Variants in ZFHX2 observed in about 807,000 individuals in gnomAD.
ZFHX2 encodes zinc finger homeobox 2, also known as zinc finger homeobox protein 2.
Under a neutral mutation model 164.8 loss-of-function variants are expected in ZFHX2, and 75 were observed. The observed-to-expected ratio is 0.46, with a 90% CI of 0.38 to 0.55. ZFHX2 has a LOEUF of 0.55. Ranked by LOEUF, ZFHX2 falls within the 20% of genes least tolerant of loss-of-function variation. The probability of loss-of-function intolerance (pLI) is 0.00; values close to 1 mark genes in which losing one functional copy is unlikely to be tolerated. For missense variants in ZFHX2, 2,933 were observed against 3,308.0 expected (o/e 0.89, Z 2.78); for synonymous variants, 1,217 against 1,351.4 (o/e 0.90, Z 2.18).
rs532623946 is a variant in ZFHX2, at chr14:23,522,348, C to A, written c.7333G>T (p.Val2445Leu). ...LLTGSTGISTVDVTHRYLCRQ... is the reference protein window; with the variant it reads ...LLTGSTGISTLDVTHRYLCRQ... ...CACAGGTAGCGATGGGTTACATCCA[C>A]GGTGGAGATGCCAGTGCTGCCTGTC... The change falls in exon 10 of 10, where the codon GTG becomes TTG. Residue 2445 changes from valine to leucine, a missense_variant. Physicochemically the swap from Val to Leu is conservative, Grantham distance 32. Transcript: ENST00000419474. 23 of 1,535,482 alleles carry A rather than the reference C, an allele frequency of 1.5e-5. No homozygotes were observed. The highest frequency in any genetic ancestry group is 2.0e-5 in the Non-Finnish European group (23 of 1,146,536).
chr14:23,533,497 G>C lies in ZFHX2; in HGVS notation c.1829C>G (p.Pro610Arg). 6.5e-7 allele frequency: 1 copy of C among 1,536,076 alleles called. No homozygotes were observed. ...AGGAGGGCCTGGCCCCATCAATCCAGGTGGCAGGCCCAGCGGCAGCCCCTG... is the reference window on the plus strand; with the variant it reads ...AGGAGGGCCTGGCCCCATCAATCCACGTGGCAGGCCCAGCGGCAGCCCCTG... Reference protein sequence around the residue: ...LHQGLPLGLPPGLMGPGPPPP... With the variant: ...LHQGLPLGLPRGLMGPGPPPP... Residue 610 changes from proline (P) to arginine (R), a missense_variant, in exon 2 of 10, where the codon CCT (proline) becomes CGT (arginine). Transcript: ENST00000419474. The surrounding 1 kb of genome is among the most constrained non-coding windows in gnomAD (Gnocchi z 4.8).
At chr14:23,531,917 C>T (rs1438203683) in intron 3 of ZFHX2, 196 bp from the exon 4 acceptor site, 2 of 609,936 alleles carry the variant, frequency 3.3e-6, no homozygotes, top group Non-Finnish European at 2.4e-6. Context: ...GCTGGGATTA[C>T]AGGCATGCGC....
intron 1 of ZFHX2, among the ~76,000 whole-genome samples, chr14:23,548,674 G>T (rs1002819025): frequency 6.6e-6 from 1 of 152,142 alleles, no homozygotes; most frequent in Non-Finnish European, 1.5e-5. Context: ...AAGGCCTTTC[G>T]TGGGGGTAGT....
intron 3 of ZFHX2, chr14:23,532,025 C>T (rs1199059798): frequency 4.7e-6 from 1 of 211,132 alleles, no homozygotes; most frequent in African/African-American, 2.3e-5. Flanking sequence ...ATCCTCCCGC[C>T]TCGGCCTCCC....
In ZFHX2 at chr14:23,524,938, TC is replaced by T; in HGVS notation, c.5003del (p.Gly1668GlufsTer52). ...CGTGGCAACGCCTGCAGCCGGAGGCTCCCCCAGTGCCTCCTCCGGTTGGCAT... is the reference window on the plus strand; with the variant it reads ...CGTGGCAACGCCTGCAGCCGGAGGCTCCCCAGTGCCTCCTCCGGTTGGCAT... ...GSMPTGGGTG[G>X]ASGCRRCHAT... is the part of the protein sequence containing the mutation. On this transcript the variant is annotated frameshift_variant, in exon 9 of 10. Transcript: ENST00000419474. LOFTEE classifies it high-confidence loss of function. The surrounding 1 kb of genome is among the most constrained non-coding windows in gnomAD (Gnocchi z 5.6). 2 of 1,536,048 alleles carry T rather than the reference TC, an allele frequency of 1.3e-6. No individual in the cohort carries two copies. Among genetic ancestry groups the T allele is most frequent in the Non-Finnish European group, 1.7e-6 (2 of 1,146,890 alleles).
At chr14:23,554,493 C>A (rs1329162300), upstream of ZFHX2, among the ~76,000 whole-genome samples, 1 of 151,982 alleles carries the variant, frequency 6.6e-6, no homozygotes, top group African/African-American at 2.4e-5. Flanking sequence ...CCCGCTGCCT[C>A]AACCTCCTGA....
Position 23,526,678 on chromosome 14 carries a change from T to A in ZFHX2, c.3264A>T (p.Glu1088Asp). Residue 1088 changes from glutamate to aspartate, a missense_variant and splice_region_variant, in exon 9 of 10, where the codon GAA becomes GAT. Glu to Asp is a conservative substitution (Grantham distance 45). Coordinates refer to ENST00000419474, the MANE Select transcript of ZFHX2 (RefSeq NM_033400.3). The part of the protein sequence containing the change: ...EPTPSRDQAA[E>D]GPNLTPEASP... ...TGGCTTCTGGGGTCAGGTTAGGGCC[T>A]TCTAGGGGAGAGAGAAGAAAGTACA... is the stretch of plus-strand genomic sequence containing the variant. 1 of 1,535,854 alleles carries A rather than the reference T, an allele frequency of 6.5e-7. No homozygotes were observed. Among genetic ancestry groups the A allele is most frequent in the Non-Finnish European group, 8.7e-7 (1 of 1,146,854 alleles).
intron 1 of ZFHX2, among the ~76,000 whole-genome samples, chr14:23,545,483 C>A (rs1042600875): frequency 6.6e-6 from 1 of 152,200 alleles, no homozygotes; most frequent in Non-Finnish European, 1.5e-5. Context: ...CTCCCATCTC[C>A]AAGTCATGGG....
chr14:23,549,910 A>G (rs1211206682), intron 1 of ZFHX2, among the ~76,000 whole-genome samples: 1 of 152,210 alleles, frequency 6.6e-6, no homozygotes, highest in Non-Finnish European at 1.5e-5. Context: ...AAGAAACTAG[A>G]AACTTAGGGT....
At position 23,535,381 on chromosome 14, in the gene ZFHX2, G is replaced by A; in HGVS notation, c.-49-7C>T. 7.0e-7 allele frequency: 1 copy of A among 1,432,484 alleles called. No individual in the cohort carries two copies. Among genetic ancestry groups the A allele is most frequent in the Non-Finnish European group, 9.1e-7 (1 of 1,095,994 alleles). 88.7% of individuals were successfully genotyped at this position (1,432,484 alleles called of 1,614,324 possible). ...CAGCGTGACAGCCAGTACCCTGTAG[G>A]GAGACAAGGAGAGAGCAGTGCTGTG... On this transcript the variant is annotated splice_region_variant and splice_polypyrimidine_tract_variant and intron_variant, in intron 1 of 9. Coordinates refer to ENST00000419474, the MANE Select transcript of ZFHX2 (RefSeq NM_033400.3). This position sits in a 1 kb window ranked among gnomAD's most constrained non-coding sequence, Gnocchi z 4.5.
rs905883602 is a variant in ZFHX2, at chr14:23,551,674, TCTCCTC to T, written c.-387_-382del. ...CCTGCCTCCTCCTCCTCCTCCTCCTTCTCCTCCTCGCCCTCCTCCTCCTCCTCCTCC... is the reference window on the plus strand; with the variant it reads ...CCTGCCTCCTCCTCCTCCTCCTCCTTCTCGCCCTCCTCCTCCTCCTCCTCC... On this transcript the variant is annotated 5_prime_UTR_variant, in exon 1 of 10. Transcript: ENST00000419474. This position sits in a 1 kb window ranked among gnomAD's most constrained non-coding sequence, Gnocchi z 5.3. 1.3e-5 allele frequency: 2 copies of T among 151,636 alleles called. No individual in the cohort carries two copies. The highest frequency in any genetic ancestry group is 2.9e-5 in the Non-Finnish European group (2 of 68,756). 9.4% of individuals were successfully genotyped at this position (151,636 alleles called of 1,614,324 possible). A position where few individuals can be genotyped will look rare whatever the true frequency, so the allele number is the denominator to read the frequency against.
rs879315318 is a variant in ZFHX2, at chr14:23,542,745, C to CT, written c.-49-7372dup. 6.9e-3 allele frequency among the ~76,000 whole-genome samples: 1,008 copies of CT among 145,784 alleles called. 8 individuals carry two copies. Among genetic ancestry groups the CT allele is most frequent in the Non-Finnish European group, 9.4e-3 (618 of 65,768 alleles). The stretch of plus-strand genomic sequence containing the variant: ...TCCCAGAACTTGGTAGGAAAACATT[C>CT]TTTTTTTTTTTTGGAGATGGTGTCT... On this transcript the variant is annotated intron_variant, in intron 1 of 9. Transcript: ENST00000419474.
chr14:23,527,324 A>G (rs1459267860), intron 7 of ZFHX2, among the ~76,000 whole-genome samples: 1 of 152,216 alleles, frequency 6.6e-6, no homozygotes, highest in Non-Finnish European at 1.5e-5. Flanking sequence ...AGACAAGCTC[A>G]GTTCTGAGTC....
rs767148216 is a variant in ZFHX2, at chr14:23,522,883, T to C, written c.6798A>G (p.Thr2266=). The part of the protein sequence containing the change: ...GLATSVLPTT[T]VVQTAGPGRP... ...GGCCTGGGCCAGCAGTCTGGACCAC[T>C]GTGGTGGTAGGCAGGACCGAAGTGG... Residue 2266 remains threonine (T), a synonymous_variant, in exon 10 of 10, where the codon ACA becomes ACG. Transcript: ENST00000419474. 3.2e-5 allele frequency: 48 copies of C among 1,498,604 alleles called. No homozygotes were observed. The South Asian group carries it at 3.3e-4, about 10-fold the overall frequency. The allele number at this position is 1,498,604 out of a possible 1,614,324, so 92.8% of individuals were successfully genotyped here. A position where few individuals can be genotyped will look rare whatever the true frequency, so the allele number is the denominator to read the frequency against.
At chr14:23,538,908 A>G (rs1325653451) in intron 1 of ZFHX2, among the ~76,000 whole-genome samples, 1 of 152,142 alleles carries the variant, frequency 6.6e-6, no homozygotes, top group African/African-American at 2.4e-5. Context: ...AGACGGCAGA[A>G]AGAGTCAATA....
intron 1 of ZFHX2, chr14:23,543,116 T>C (rs903223271): frequency 6.6e-6 from 1 of 152,238 alleles, no homozygotes; most frequent in African/African-American, 2.4e-5. Flanking sequence ...TGCATTTAAA[T>C]AGTATTACAA....
chr14:23,552,859 C>G (rs1595204715), upstream of ZFHX2, among the ~76,000 whole-genome samples: 2 of 152,290 alleles, frequency 1.3e-5, no homozygotes, highest in East Asian at 3.9e-4. Context: ...GCCTCAGCCT[C>G]CCAAAGTCCT....
rs1484662238 is a variant in ZFHX2 at position 23,550,153 on chromosome 14, G to A, written c.-50+1190C>T. ...AGACCAGAAGGTGAGGTTCTGATGAGGGAGACAGGCACATGGCAAAGGGGA... is the reference window on the plus strand; with the variant it reads ...AGACCAGAAGGTGAGGTTCTGATGAAGGAGACAGGCACATGGCAAAGGGGA... On this transcript the variant is annotated intron_variant, in intron 1 of 9. Coordinates refer to ENST00000419474, the MANE Select transcript of ZFHX2 (RefSeq NM_033400.3). Among the ~76,000 whole-genome samples, 2 of 152,222 alleles carry A rather than the reference G, an allele frequency of 1.3e-5. 1 individual carries two copies.
chr14:23,527,901 CTTTTTTT>C (rs745574496), intron 6 of ZFHX2, 97 bp from the exon 7 acceptor site: 122 of 448,910 alleles, frequency 2.7e-4, no homozygotes, highest in Admixed American at 5.6e-4. Context: ...GCCCCCACTC[CTTTTTTT>C]TTTTTTTTTT....
Sources: allele counts gnomAD v4.1 joint callset (sites outside exome capture counted in the v4.1 genomes callset), GRCh38; gene constraint gnomAD v4.1.1; non-coding constraint Gnocchi (gnomAD v3.1); transcripts MANE v1.5; gene names NCBI Gene and HGNC (gene_info 2026-07-23, HGNC 2026-07-21).